The following SFMBT2 variants were observed in gnomAD, a reference collection of about 807,000 sequenced individuals.
SFMBT2 encodes the protein scm-like with four MBT domains protein 2.
A neutral mutation model predicts 110.1 loss-of-function variants in SFMBT2; 38 were observed. That is an observed-to-expected ratio of 0.35 (90% CI 0.27 to 0.45). SFMBT2 has a LOEUF of 0.45. Among genes scored for constraint, SFMBT2 ranks in the 20% least tolerant of loss-of-function variants. SFMBT2 has a pLI of 1.00. For synonymous variants in SFMBT2, 425 were observed against 425.4 expected (o/e 1.00, Z 0.01); for missense variants, 1,011 against 1,094.9 (o/e 0.92, Z 1.08).
chr10:7,297,452 C>T (rs974052350), intron 4 of SFMBT2, among the ~76,000 whole-genome samples: 10 of 151,936 alleles, frequency 6.6e-5, no homozygotes, highest in Non-Finnish European at 8.8e-5. Context: ...TAACCATGCA[C>T]AAGAAGGTTC....
intron 1 of SFMBT2, among the ~76,000 whole-genome samples, chr10:7,384,593 A>C (rs1845535152): frequency 6.6e-6 from 1 of 152,216 alleles, no homozygotes; most frequent in African/African-American, 2.4e-5. Context: ...TTAGTTTCCG[A>C]AAGCTTAGCT....
At chr10:7,225,038 T>C (rs1009162006) in intron 10 of SFMBT2, among the ~76,000 whole-genome samples, 1 of 152,238 alleles carries the variant, frequency 6.6e-6, no homozygotes, top group African/African-American at 2.4e-5. Context: ...GCAAAGATCT[T>C]CTAGGTGGGC....
chr10:7,388,495 T>A (rs1845679578), intron 1 of SFMBT2, among the ~76,000 whole-genome samples: 1 of 151,132 alleles, frequency 6.6e-6, no homozygotes, highest in African/African-American at 2.4e-5. Context: ...GTAGCTGGGA[T>A]TACAGGTGCA....
rs560288348 is a variant in SFMBT2 at position 7,163,237 on chromosome 10, A to C, written c.*533T>G. On this transcript the variant is annotated 3_prime_UTR_variant, in exon 21 of 21. Transcript: ENST00000397167. This position sits in a 1 kb window ranked among gnomAD's most constrained non-coding sequence, Gnocchi z 4.8. ...CTCTAACAGAGGACAGAGCTTTAGC[A>C]CATGTTTTTATAAGGATGTCGCTGC... 1 of 155,784 alleles carries C rather than the reference A, an allele frequency of 6.4e-6. No individual in the cohort carries two copies. Among genetic ancestry groups the C allele is most frequent in the South Asian group, 2.0e-4 (1 of 5,028 alleles). 9.7% of individuals were successfully genotyped at this position (155,784 alleles called of 1,614,324 possible).
chr10:7,162,076 T>C lies in SFMBT2; in HGVS notation c.*1694A>G, dbSNP rs1837563955. The C allele has an allele frequency of 6.6e-6, 1 of 152,102 alleles. No homozygotes were observed. The highest frequency in any genetic ancestry group is 2.1e-4 in the South Asian group (1 of 4,822). 9.4% of individuals were successfully genotyped at this position (152,102 alleles called of 1,614,324 possible). On this transcript the variant is annotated 3_prime_UTR_variant, in exon 21 of 21. Coordinates refer to ENST00000397167, the MANE Select transcript of SFMBT2 (RefSeq NM_001387889.1). ...GTAGTCCACAGGGTCTGAGTGGAGA[T>C]ATGGAATCGCTCATGAGGATATGGA... is the stretch of plus-strand genomic sequence containing the variant.
intron 4 of SFMBT2, among the ~76,000 whole-genome samples, chr10:7,342,447 C>T (rs985394660): frequency 9.5e-5 from 11 of 115,360 alleles, no homozygotes; most frequent in South Asian, 3.0e-4. Context: ...CTCGCTCTGT[C>T]GCCCAGGCTG....
intron 6 of SFMBT2, among the ~76,000 whole-genome samples, chr10:7,282,732 G>C (rs1841981840): frequency 1.3e-5 from 2 of 152,172 alleles, no homozygotes; most frequent in South Asian, 4.1e-4. Flanking sequence ...CTGAGTGACA[G>C]AAAAGATAAA....
rs751463781 is a variant in SFMBT2, at chr10:7,276,999, C to G, written c.773-10G>C. The G allele has an allele frequency of 8.1e-6, 7 of 863,806 alleles. No individual in the cohort carries two copies. The Middle Eastern group carries it at 1.1e-3, about 134-fold the overall frequency. The allele number at this position is 863,806 out of a possible 1,614,324, so 53.5% of individuals were successfully genotyped here. A position where few individuals can be genotyped will look rare whatever the true frequency, so the allele number is the denominator to read the frequency against. On this transcript the variant is annotated splice_polypyrimidine_tract_variant and intron_variant, in intron 6 of 20. Coordinates refer to ENST00000397167, the MANE Select transcript of SFMBT2 (RefSeq NM_001387889.1). ...TTCAAAGGATAGATTTCTGTATCAA[C>G]AGCAAATCACAGAAGAGTTGAAGGA...
intron 4 of SFMBT2, among the ~76,000 whole-genome samples, chr10:7,335,023 C>T (rs1027002543): frequency 6.6e-6 from 1 of 151,940 alleles, no homozygotes; most frequent in Non-Finnish European, 1.5e-5. Context: ...CAAAAGAAGC[C>T]GGAGGGGGGA....
intron 4 of SFMBT2, among the ~76,000 whole-genome samples, chr10:7,360,403 G>T (rs936656652): frequency 6.6e-6 from 1 of 152,046 alleles, no homozygotes; most frequent in Non-Finnish European, 1.5e-5. Flanking sequence ...GGAGGCAGAG[G>T]TTGCAGTGAG....
In SFMBT2 at chr10:7,200,415, T is replaced by C; in HGVS notation, c.1557A>G (p.Thr519=). 6.3e-7 allele frequency: 1 copy of C among 1,595,236 alleles called. No homozygotes were observed. ...GACCCCCTAAATGGGACTGATTACC[T>C]GTGGTGTCCAGGTGAGGGAATAAAC... ...DLCLFPHLDT[T]GTVNGKYCCP... is the part of the protein sequence containing the mutation. Residue 519 remains threonine (T), a splice_region_variant and synonymous_variant, in exon 14 of 21, where the codon ACA becomes ACG. Coordinates refer to ENST00000397167, the MANE Select transcript of SFMBT2 (RefSeq NM_001387889.1).
At chr10:7,191,483 G>C (rs1838600294) in intron 15 of SFMBT2, among the ~76,000 whole-genome samples, 1 of 152,206 alleles carries the variant, frequency 6.6e-6, no homozygotes, top group African/African-American at 2.4e-5. Context: ...CCTCTGCTCT[G>C]TTCTTCTCTT....
At chr10:7,385,376 G>A (rs980731783) in intron 1 of SFMBT2, among the ~76,000 whole-genome samples, 1 of 152,174 alleles carries the variant, frequency 6.6e-6, no homozygotes, top group Non-Finnish European at 1.5e-5. Flanking sequence ...GGAATGCTCA[G>A]CTCTCCCAGC....
At chr10:7,206,189 T>C in intron 11 of SFMBT2, 1 of 985,322 alleles carries the variant, frequency 1.0e-6, no homozygotes, top group Non-Finnish European at 1.2e-6. Context: ...AAAAGAGAGA[T>C]ACTCTGCCCT....
Position 7,171,191 on chromosome 10 carries a change from A to AGGG in SFMBT2, c.2416-136_2416-135insCCC. On this transcript the variant is annotated intron_variant, in intron 19 of 20. Transcript: ENST00000397167. This position sits in a 1 kb window ranked among gnomAD's most constrained non-coding sequence, Gnocchi z 4.9. ...TTGCTCCCTCACTGGGCACCTGAAA[A>AGGG]AGCTGCACACACTCTCAGTCCCTGA... The AGGG allele has an allele frequency of 6.8e-7, 1 of 1,462,342 alleles. No individual in the cohort carries two copies. Among genetic ancestry groups the AGGG allele is most frequent in the Non-Finnish European group, 9.3e-7 (1 of 1,074,458 alleles). The allele number at this position is 1,462,342 out of a possible 1,614,324, so 90.6% of individuals were successfully genotyped here.
intron 20 of SFMBT2, among the ~76,000 whole-genome samples, chr10:7,166,844 G>A (rs992693232): frequency 1.3e-5 from 2 of 152,256 alleles, no homozygotes; most frequent in Non-Finnish European, 2.9e-5. Flanking sequence ...AAATCATGAC[G>A]AGCCCAGAAA....
At position 7,171,633 on chromosome 10, in the gene SFMBT2, TC is replaced by T; in HGVS notation, c.2415+261del. Reference sequence around the variant, plus strand: ...AAGGAAACTGAGGACTGTGCCCTCCTCCTGACAAGAACCCAGGTGGCACTAA... The same window carrying T: ...AAGGAAACTGAGGACTGTGCCCTCCTCTGACAAGAACCCAGGTGGCACTAA... On this transcript the variant is annotated intron_variant, in intron 19 of 20. Transcript: ENST00000397167. The surrounding 1 kb of genome is among the most constrained non-coding windows in gnomAD (Gnocchi z 4.9). The T allele has an allele frequency of 1.1e-6, 1 of 937,932 alleles. No individual in the cohort carries two copies. The highest frequency in any genetic ancestry group is 1.3e-6 in the Non-Finnish European group (1 of 786,820). 58.1% of individuals were successfully genotyped at this position (937,932 alleles called of 1,614,324 possible). A position where few individuals can be genotyped will look rare whatever the true frequency, so the allele number is the denominator to read the frequency against.
chr10:7,203,727 G>C (rs1337233074), intron 12 of SFMBT2: 2 of 947,644 alleles, frequency 2.1e-6, no homozygotes, highest in Non-Finnish European at 2.5e-6. Flanking sequence ...CTTTTTTTTT[G>C]TGAGACAGAG....
chr10:7,174,928 A>G (rs1309122343), intron 17 of SFMBT2, among the ~76,000 whole-genome samples: 1 of 152,234 alleles, frequency 6.6e-6, no homozygotes, highest in Non-Finnish European at 1.5e-5. Context: ...CAGAAGGCAG[A>G]GTGGCAAGGG....
Sources: gnomAD v4.1 joint callset for allele counts (sites outside exome capture counted in the v4.1 genomes callset) on GRCh38, gnomAD v4.1.1 for gene constraint, Gnocchi (gnomAD v3.1) non-coding constraint, MANE v1.5 for transcripts, NCBI Gene and HGNC (gene_info 2026-07-23, HGNC 2026-07-21) for gene names.